The following THAP12 variants were observed in gnomAD, a reference collection of about 807,000 sequenced individuals.
THAP12 encodes 52 kDa repressor of the inhibitor of the protein kinase.
THAP12 carries 20 observed loss-of-function variants against 63.0 expected under a neutral mutation model. That is an observed-to-expected ratio of 0.32 (90% CI 0.22 to 0.46). The LOEUF (loss-of-function observed/expected upper bound fraction) is 0.46. THAP12 is among the 20% of genes least tolerant of loss of function. The pLI is 1.00. For synonymous variants in THAP12, 264 were observed against 328.4 expected, an observed-to-expected ratio of 0.80 and a Z score of 2.12; for missense variants, 568 against 908.2, an observed-to-expected ratio of 0.63 and a Z score of 4.81.
At chr11:76,360,121 T>G (rs1042474250) in intron 3 of THAP12, among the ~76,000 whole-genome samples, 3 of 152,096 alleles carry the variant, frequency 2.0e-5, no homozygotes, top group Non-Finnish European at 4.4e-5. Context: ...TTATTATAGA[T>G]CCCTACTGTA....
At chr11:76,378,131 G>A (rs1476425407) in intron 1 of THAP12, among the ~76,000 whole-genome samples, 1 of 152,176 alleles carries the variant, frequency 6.6e-6, no homozygotes, top group Non-Finnish European at 1.5e-5. Flanking sequence ...CTAAGAATGT[G>A]GTGCCAGCCA....
At chr11:76,370,843 A>ATATAT (rs1433930243) in intron 1 of THAP12, among the ~76,000 whole-genome samples, 91 of 141,560 alleles carry the variant, frequency 6.4e-4, no homozygotes, top group African/African-American at 1.8e-3. Flanking sequence ...AAAAAAAAAA[A>ATATAT]ATATATATAT....
rs149062060 is a variant in THAP12, at chr11:76,350,639, G to A, written c.*225C>T. 1.3e-3 allele frequency: 526 copies of A among 415,778 alleles called. 10 individuals carry two copies. In the East Asian group the frequency reaches 0.022, roughly 17 times the overall value. The allele number at this position is 415,778 out of a possible 1,614,324, so 25.8% of individuals were successfully genotyped here. A position where few individuals can be genotyped will look rare whatever the true frequency, so the allele number is the denominator to read the frequency against. ...CCAGAGTGCCATCAACAGAGATCAC[G>A]CAAAAGGAAACATGGCACTTTCAAC... On this transcript the variant is annotated 3_prime_UTR_variant, in exon 5 of 5. Coordinates refer to ENST00000260045, the MANE Select transcript of THAP12 (RefSeq NM_004705.4).
intron 1 of THAP12, among the ~76,000 whole-genome samples, chr11:76,370,880 T>A (rs774871982): frequency 6.7e-6 from 1 of 150,172 alleles, no homozygotes; most frequent in Non-Finnish European, 1.5e-5. Flanking sequence ...TGTTTTCACA[T>A]GTGTATTCAT....
chr11:76,377,576 G>A (rs185685819), intron 1 of THAP12, among the ~76,000 whole-genome samples: 128 of 152,294 alleles, frequency 8.4e-4, no homozygotes, highest in African/African-American at 2.9e-3. Flanking sequence ...AGTATGTACT[G>A]GCACTTCATT....
intron 1 of THAP12, among the ~76,000 whole-genome samples, chr11:76,379,379 T>G (rs757958491): frequency 6.6e-6 from 1 of 152,186 alleles, no homozygotes; most frequent in Non-Finnish European, 1.5e-5. Context: ...AACCCTTCAA[T>G]GACTTCCTAT....
chr11:76,380,479 C>T (rs1472342815), intron 1 of THAP12, among the ~76,000 whole-genome samples: 1 of 152,210 alleles, frequency 6.6e-6, no homozygotes, highest in East Asian at 1.9e-4. Context: ...ATCCCGCGTC[C>T]GCGCGCCGCC....
chr11:76,371,657 T>C (rs1468537782), intron 1 of THAP12, among the ~76,000 whole-genome samples: 1 of 151,910 alleles, frequency 6.6e-6, no homozygotes. Context: ...CTGCATCCAC[T>C]TATCTTGTTG....
chr11:76,370,180 A>C (rs989015775), intron 1 of THAP12, among the ~76,000 whole-genome samples: 3 of 152,180 alleles, frequency 2.0e-5, no homozygotes, highest in Admixed American at 6.5e-5. Context: ...AGGTATGTGA[A>C]GTCACAGTGG....
rs1946536239 is a variant in THAP12, at chr11:76,352,732, G to A, written c.418C>T (p.Pro140Ser). 1 of 1,589,592 alleles carries A rather than the reference G, an allele frequency of 6.3e-7. No homozygotes were observed. Among genetic ancestry groups the A allele is most frequent in the South Asian group, 1.2e-5 (1 of 86,592 alleles). Residue 140 changes from proline (P) to serine (S), a missense_variant, in exon 5 of 5, where the codon CCC becomes TCC. Pro to Ser is a moderately conservative substitution (Grantham distance 74). Transcript: ENST00000260045. ...KETNNSNAQNPSEEEGEGQDE... is the reference protein window; with the variant it reads ...KETNNSNAQNSSEEEGEGQDE... ...TGCCCTTCACCCTCTTCTTCGCTGG[G>A]GTTCTGAGCATTGCTATTGTTGGTT...
At chr11:76,360,134 TCATACATACTAA>T (rs1946588812) in intron 3 of THAP12, among the ~76,000 whole-genome samples, 1 of 152,146 alleles carries the variant, frequency 6.6e-6, no homozygotes, top group South Asian at 2.1e-4. Flanking sequence ...CTACTGTACA[TCATACATACTAA>T]CTCCAAATGG....
intron 3 of THAP12, chr11:76,359,120 AT>A (rs1207041794): frequency 1.3e-5 from 2 of 152,342 alleles, no homozygotes; most frequent in East Asian, 3.9e-4. Context: ...GCTGGAAACA[AT>A]TTCAACCAGA....
At chr11:76,380,071 C>T (rs1946741331) in intron 1 of THAP12, among the ~76,000 whole-genome samples, 1 of 152,184 alleles carries the variant, frequency 6.6e-6, no homozygotes, top group African/African-American at 2.4e-5. Flanking sequence ...GCCTTTCAAA[C>T]ACAGTCCCTA....
chr11:76,372,969 A>T (rs1946684718), intron 1 of THAP12, among the ~76,000 whole-genome samples: 1 of 152,158 alleles, frequency 6.6e-6, no homozygotes, highest in Non-Finnish European at 1.5e-5. Flanking sequence ...AAGGTTTTAG[A>T]CATTTCTGCA....
chr11:76,379,538 T>A (rs1248495304), intron 1 of THAP12, among the ~76,000 whole-genome samples: 2 of 152,204 alleles, frequency 1.3e-5, no homozygotes, highest in African/African-American at 4.8e-5. Flanking sequence ...GTCTTTGCCT[T>A]CTTTGGAATG....
chr11:76,358,244 TTGATA>T (rs1946574426), intron 3 of THAP12: 1 of 150,364 alleles, frequency 6.7e-6, no homozygotes, highest in Non-Finnish European at 1.5e-5. Flanking sequence ...CAATAGAACC[TTGATA>T]TTATAACTGG....
At chr11:76,376,711 G>T (rs554813863) in intron 1 of THAP12, among the ~76,000 whole-genome samples, 2 of 139,838 alleles carry the variant, frequency 1.4e-5, no homozygotes, top group African/African-American at 5.4e-5. Context: ...CACTATTATT[G>T]AGAAAATTCC....
intron 3 of THAP12, among the ~76,000 whole-genome samples, chr11:76,360,469 A>C (rs544484221): frequency 6.6e-6 from 1 of 152,390 alleles, no homozygotes; most frequent in South Asian, 2.1e-4. Flanking sequence ...TCCAAGGAAC[A>C]TAAGAATATG....
rs138457411 is a variant in THAP12 at position 76,378,510 on chromosome 11, A to G, written c.89+2238T>C. On this transcript the variant is annotated intron_variant, in intron 1 of 4. Transcript: ENST00000260045. ...TTTTTTCCTAAAAGTTTAATGACATAGCTCTTATATTTAGGCCTTTGATCT... is the reference window on the plus strand; with the variant it reads ...TTTTTTCCTAAAAGTTTAATGACATGGCTCTTATATTTAGGCCTTTGATCT... Among the ~76,000 whole-genome samples, 12 of 152,258 alleles carry G rather than the reference A, an allele frequency of 7.9e-5. No homozygotes were observed. In the East Asian group the frequency reaches 2.3e-3, roughly 29 times the overall value.
Sources: allele counts gnomAD v4.1 joint callset (sites outside exome capture counted in the v4.1 genomes callset), GRCh38; gene constraint gnomAD v4.1.1; transcripts MANE v1.5; gene names NCBI Gene and HGNC (gene_info 2026-07-23, HGNC 2026-07-21).